The following HIPK2 variants were observed in gnomAD, a reference collection of about 807,000 sequenced individuals.
HIPK2 encodes homeodomain-interacting protein kinase 2.
A neutral mutation model predicts 113.7 loss-of-function variants in HIPK2; 27 were observed. The observed-to-expected ratio is 0.24, with a 90% confidence interval of 0.17 to 0.33. HIPK2 has a LOEUF of 0.33. Among genes scored for constraint, HIPK2 ranks in the 10% least tolerant of loss-of-function variants. The pLI is 1.00. For missense variants in HIPK2, 1,257 were observed against 1,588.0 expected (o/e 0.79, Z 3.54); for synonymous variants, 631 against 642.2 (o/e 0.98, Z 0.26).
At chr7:139,654,456 T>A (rs1801584975) in intron 2 of HIPK2, among the ~76,000 whole-genome samples, 1 of 152,026 alleles carries the variant, frequency 6.6e-6, no homozygotes, top group Non-Finnish European at 1.5e-5. Flanking sequence ...CAAGCCAAAG[T>A]GAGTCATGAT....
chr7:139,618,495 C>CAAAA (rs1328416744), intron 7 of HIPK2, among the ~76,000 whole-genome samples: 3 of 152,218 alleles, frequency 2.0e-5, no homozygotes, highest in Non-Finnish European at 4.4e-5. Flanking sequence ...CTACTTCACC[C>CAAAA]CAGTCCCAAG....
At chr7:139,625,546 C>T (rs553090247) in intron 6 of HIPK2, among the ~76,000 whole-genome samples, 1 of 152,328 alleles carries the variant, frequency 6.6e-6, no homozygotes, top group South Asian at 2.1e-4. Context: ...TCACCTACTG[C>T]CTTCTGGGAT....
intron 1 of HIPK2, among the ~76,000 whole-genome samples, chr7:139,769,498 C>A (rs1336626794): frequency 6.6e-6 from 1 of 152,214 alleles, no homozygotes; most frequent in African/African-American, 2.4e-5. Context: ...ACAACTGATC[C>A]CAAACACTTA....
At chr7:139,605,530 G>T (rs73481738) in intron 9 of HIPK2, among the ~76,000 whole-genome samples, 4,952 of 152,150 alleles carry the variant, frequency 0.033, 242 homozygotes, top group African/African-American at 0.11. Context: ...GTGTTTTATA[G>T]GTACAAATAC....
chr7:139,697,028 C>T (rs1411039145), intron 2 of HIPK2, among the ~76,000 whole-genome samples: 1 of 152,160 alleles, frequency 6.6e-6, no homozygotes, highest in Non-Finnish European at 1.5e-5. Context: ...TTAGGCTTAC[C>T]ATCTCTAAAG....
chr7:139,572,898 T>TACCCACC lies in HIPK2; in HGVS notation c.*28_*29insGGTGGGT. ...CTCCTCCCTCGGGCCATTCTCTCCC[T>TACCCACC]CCCTCCCTCCCTCCCTCCCCTCCAG... On this transcript the variant is annotated 3_prime_UTR_variant, in exon 15 of 15. Transcript: ENST00000406875. 4.9e-6 allele frequency: 2 copies of TACCCACC among 407,280 alleles called. 1 individual carries two copies. Among genetic ancestry groups the TACCCACC allele is most frequent in the Non-Finnish European group, 9.7e-6 (2 of 206,378 alleles). The allele number at this position is 407,280 out of a possible 1,614,324, so 25.2% of individuals were successfully genotyped here.
At chr7:139,600,969 A>G (rs1436685571) in intron 10 of HIPK2, among the ~76,000 whole-genome samples, 2 of 152,142 alleles carry the variant, frequency 1.3e-5, no homozygotes, top group Non-Finnish European at 1.5e-5. Context: ...CAGGCCAGGT[A>G]TGGTGGCTCA....
rs551138545 is a variant in HIPK2, at chr7:139,571,354, G to C, written c.*1573C>G. ...GGGGATGCCGCCTGGGGCGGGAGAC[G>C]GCTGCCTGGCGAGGCCAACAGTCCG... is the stretch of plus-strand genomic sequence containing the variant. On this transcript the variant is annotated 3_prime_UTR_variant, in exon 15 of 15. Transcript: ENST00000406875. The C allele has an allele frequency of 6.6e-5, 10 of 152,458 alleles. No individual in the cohort carries two copies. The highest frequency in any genetic ancestry group is 1.3e-4 in the Admixed American group (2 of 15,308). The allele number at this position is 152,458 out of a possible 1,614,324, so 9.4% of individuals were successfully genotyped here.
intron 2 of HIPK2, among the ~76,000 whole-genome samples, chr7:139,694,199 T>C (rs1794497618): frequency 6.6e-6 from 1 of 152,230 alleles, no homozygotes; most frequent in African/African-American, 2.4e-5. Context: ...TCTTTCTGAC[T>C]CATGAAATAA....
intron 2 of HIPK2, among the ~76,000 whole-genome samples, chr7:139,654,776 C>A (rs189824886): frequency 1.3e-5 from 2 of 152,206 alleles, no homozygotes; most frequent in Admixed American, 6.5e-5. Context: ...TAAGAAGAGG[C>A]CTGTTCATTA....
chr7:139,672,062 ATAGTT>A (rs1802321511), intron 2 of HIPK2, among the ~76,000 whole-genome samples: 1 of 139,860 alleles, frequency 7.2e-6, no homozygotes, highest in South Asian at 2.4e-4. Context: ...TGAGTTTCTT[ATAGTT>A]TATGTCTATA....
intron 1 of HIPK2, among the ~76,000 whole-genome samples, chr7:139,745,822 T>C (rs1405629369): frequency 6.6e-6 from 1 of 152,160 alleles, no homozygotes; most frequent in Admixed American, 6.5e-5. Context: ...GCAAGCATTG[T>C]CCTGGGGACT....
At chr7:139,660,854 G>A (rs1002688738) in intron 2 of HIPK2, among the ~76,000 whole-genome samples, 38 of 152,174 alleles carry the variant, frequency 2.5e-4, no homozygotes, top group African/African-American at 8.0e-4. Flanking sequence ...GATCTTGGCA[G>A]GAGATAGGAA....
chr7:139,774,434 A>C (rs1474472070), intron 1 of HIPK2, among the ~76,000 whole-genome samples: 1 of 152,230 alleles, frequency 6.6e-6, no homozygotes, highest in Non-Finnish European at 1.5e-5. Flanking sequence ...GGCGAGAAGA[A>C]AAGCAACATT....
chr7:139,729,501 C>A (rs186366237), intron 1 of HIPK2, among the ~76,000 whole-genome samples: 38 of 152,276 alleles, frequency 2.5e-4, no homozygotes, highest in African/African-American at 8.4e-4. Flanking sequence ...TGGCAGTGGG[C>A]GGCCAAGTTC....
intron 1 of HIPK2, among the ~76,000 whole-genome samples, chr7:139,771,137 C>T (rs138544588): frequency 9.9e-4 from 150 of 152,248 alleles, no homozygotes; most frequent in African/African-American, 3.4e-3. Flanking sequence ...CTTGGAGAAC[C>T]TAGTAAAACA....
In HIPK2 at chr7:139,567,192, T is replaced by C. The variant is rs1215649912; in HGVS notation, c.*5735A>G. 3 of 152,298 alleles carry C rather than the reference T, an allele frequency of 2.0e-5. No homozygotes were observed. In the East Asian group the frequency reaches 5.8e-4, roughly 29 times the overall value. The allele number at this position is 152,298 out of a possible 1,614,324, so 9.4% of individuals were successfully genotyped here. On this transcript the variant is annotated 3_prime_UTR_variant, in exon 15 of 15. Coordinates refer to ENST00000406875, the MANE Select transcript of HIPK2 (RefSeq NM_022740.5). Reference sequence around the variant, plus strand: ...CTAAGGCATCAAAGTGGAAAAGTACTGCTATTCCGAGCCCAGCCCCCGCGT... The same window carrying C: ...CTAAGGCATCAAAGTGGAAAAGTACCGCTATTCCGAGCCCAGCCCCCGCGT...
At chr7:139,647,452 AC>A (rs1400877620) in intron 2 of HIPK2, among the ~76,000 whole-genome samples, 5 of 152,182 alleles carry the variant, frequency 3.3e-5, no homozygotes. Context: ...CTGTTTATTT[AC>A]TTTTAAGGAA....
In HIPK2 at chr7:139,630,234, G is replaced by C. The variant is rs564476768; in HGVS notation, c.1347+931C>G. 1.3e-5 allele frequency among the ~76,000 whole-genome samples: 2 copies of C among 152,172 alleles called. No individual in the cohort carries two copies. Among genetic ancestry groups the C allele is most frequent in the Non-Finnish European group, 2.9e-5 (2 of 68,002 alleles). On this transcript the variant is annotated intron_variant, in intron 4 of 14. Transcript: ENST00000406875. This position sits in a 1 kb window ranked among gnomAD's most constrained non-coding sequence, Gnocchi z 4.0. ...CTGTTAAAGTGAAGCCCCTGCCCCCGGAGTTTCAGGTTTATGGTTACTTGT... is the reference window on the plus strand; with the variant it reads ...CTGTTAAAGTGAAGCCCCTGCCCCCCGAGTTTCAGGTTTATGGTTACTTGT...
Sources: allele counts gnomAD v4.1 joint callset (sites outside exome capture counted in the v4.1 genomes callset), GRCh38; gene constraint gnomAD v4.1.1; non-coding constraint Gnocchi (gnomAD v3.1); transcripts MANE v1.5; gene names NCBI Gene and HGNC (gene_info 2026-07-23, HGNC 2026-07-21).